Variants in PARP1 observed in about 807,000 individuals in gnomAD.
PARP1 encodes poly(ADP-ribose) polymerase 1, also known as poly [ADP-ribose] polymerase 1.
In PARP1, 44 loss-of-function variants were observed where a neutral mutation model predicts 118.7. That is an observed-to-expected ratio of 0.37 (90% CI 0.29 to 0.48). The LOEUF (loss-of-function observed/expected upper bound fraction) is 0.48. PARP1 is among the 20% of genes least tolerant of loss of function. The pLI, the probability that PARP1 is intolerant of heterozygous loss-of-function variation, is 0.99. For synonymous variants in PARP1, 492 were observed against 483.2 expected (o/e 1.02, Z -0.24); for missense variants, 1,100 against 1,272.4 (o/e 0.86, Z 2.06).
intron 5 of PARP1, among the ~76,000 whole-genome samples, chr1:226,387,564 G>A (rs921753932): frequency 1.3e-5 from 2 of 152,098 alleles, no homozygotes; most frequent in African/African-American, 2.4e-5. Context: ...GGGGTCTCTC[G>A]ACATCTCCTC....
chr1:226,369,662 T>C (rs762642066), intron 15 of PARP1, among the ~76,000 whole-genome samples: 1 of 152,134 alleles, frequency 6.6e-6, no homozygotes, highest in African/African-American at 2.4e-5. Context: ...ATAAAAAATA[T>C]AGTATTCTCA....
In PARP1 at chr1:226,363,166, CAA is replaced by C; in HGVS notation, c.2787-8_2787-7del. 6.2e-7 allele frequency: 1 copy of C among 1,609,020 alleles called. No individual in the cohort carries two copies. The highest frequency in any genetic ancestry group is 8.5e-7 in the Non-Finnish European group (1 of 1,175,398). On this transcript the variant is annotated splice_polypyrimidine_tract_variant and splice_region_variant and intron_variant, in intron 20 of 22. Coordinates refer to ENST00000366794, the MANE Select transcript of PARP1 (RefSeq NM_001618.4). Reference sequence around the variant, plus strand: ...AAGCGTGCTTCAGTTCATACCTATTCAAAAGAGGACAGTCTCAGAAGAGGCCT... The same window carrying C: ...AAGCGTGCTTCAGTTCATACCTATTCAAGAGGACAGTCTCAGAAGAGGCCT...
Position 226,364,997 on chromosome 1 carries a change from C to A in PARP1, c.2658+5G>T, listed in dbSNP as rs1664229023. On this transcript the variant is annotated splice_donor_5th_base_variant and intron_variant, in intron 19 of 22. Coordinates refer to ENST00000366794, the MANE Select transcript of PARP1 (RefSeq NM_001618.4). Reference sequence around the variant, plus strand: ...TGCCCACCCCTCGCCAGGCCAGGCACATACCACGGGCGCTTCAGGCGGGGC... The same window carrying A: ...TGCCCACCCCTCGCCAGGCCAGGCAAATACCACGGGCGCTTCAGGCGGGGC... The A allele has an allele frequency of 6.2e-7, 1 of 1,613,532 alleles. No homozygotes were observed. The highest frequency in any genetic ancestry group is 1.3e-5 in the African/African-American group (1 of 74,936).
At chr1:226,380,966 C>T (rs1219693226) in intron 9 of PARP1, 102 bp downstream of exon 9, 12 of 1,314,866 alleles carry the variant, frequency 9.1e-6, no homozygotes, top group Non-Finnish European at 1.2e-5. Flanking sequence ...TGTTAAGATC[C>T]AGTTTTTCAG....
At chr1:226,369,359 C>T (rs1275299609) in intron 15 of PARP1, among the ~76,000 whole-genome samples, 1 of 152,216 alleles carries the variant, frequency 6.6e-6, no homozygotes, top group Non-Finnish European at 1.5e-5. Flanking sequence ...GCGGAACCCT[C>T]CAGCCCCTCC....
intron 2 of PARP1, among the ~76,000 whole-genome samples, chr1:226,397,530 G>T (rs746956822): frequency 6.6e-6 from 1 of 152,138 alleles, no homozygotes; most frequent in Non-Finnish European, 1.5e-5. Flanking sequence ...TTATAATCCC[G>T]AATGTTGGAG....
Position 226,362,068 on chromosome 1 carries a change from G to T in PARP1, c.2864C>A (p.Thr955Asn), listed in dbSNP as rs778821909. The change falls in exon 22 of 23, where the codon ACC (threonine) becomes AAC (asparagine). Residue 955 changes from threonine (T) to asparagine (N), a missense_variant. By Grantham distance (65) the Thr-to-Asn change is moderately conservative. Transcript: ENST00000366794. ...KHSVKGLGKT[T>N]PDPSANISLD... The stretch of plus-strand genomic sequence containing the variant: ...ACTAATGTTAGCTGAAGGATCAGGG[G>T]TAGTTTTGCCCAAACCTGAAAAACA... 1.2e-6 allele frequency: 2 copies of T among 1,612,636 alleles called. No individual in the cohort carries two copies. Among genetic ancestry groups the T allele is most frequent in the Non-Finnish European group, 8.5e-7 (1 of 1,178,650 alleles).
intron 7 of PARP1, among the ~76,000 whole-genome samples, chr1:226,383,995 C>T (rs1159834477): frequency 6.6e-6 from 1 of 152,200 alleles, no homozygotes; most frequent in Non-Finnish European, 1.5e-5. Flanking sequence ...CAGAAAGTAT[C>T]TCATTCGTGA....
At chr1:226,401,117 T>C (rs1392615689) in intron 2 of PARP1, among the ~76,000 whole-genome samples, 1 of 152,218 alleles carries the variant, frequency 6.6e-6, no homozygotes, top group Non-Finnish European at 1.5e-5. Context: ...AGGAGAAAAC[T>C]GTGGAGACAG....
chr1:226,372,428 T>C (rs992532501), intron 14 of PARP1, among the ~76,000 whole-genome samples: 1 of 152,186 alleles, frequency 6.6e-6, no homozygotes, highest in Non-Finnish European at 1.5e-5. Context: ...TCCCAGCACT[T>C]TGGGAGGCTG....
intron 2 of PARP1, among the ~76,000 whole-genome samples, chr1:226,399,847 T>G (rs1045869008): frequency 6.6e-6 from 1 of 152,124 alleles, no homozygotes; most frequent in African/African-American, 2.4e-5. Flanking sequence ...ATATGGAAAC[T>G]CTGTACTTTA....
At chr1:226,374,441 G>A in intron 13 of PARP1, 87 bp from the exon 14 acceptor site, 1 of 1,523,306 alleles carries the variant, frequency 6.6e-7, no homozygotes, top group Non-Finnish European at 9.1e-7. Flanking sequence ...TGCAGACAAA[G>A]GACACAGGCT....
Position 226,363,157 on chromosome 1 carries a change from A to C in PARP1, c.2790T>G (p.Tyr930Ter). 1 of 1,611,600 alleles carries C rather than the reference A, an allele frequency of 6.2e-7. No individual in the cohort carries two copies. The highest frequency in any genetic ancestry group is 8.5e-7 in the Non-Finnish European group (1 of 1,177,688). Residue 930 changes from tyrosine to a stop codon, truncating the protein, a stop_gained, in exon 21 of 23, where the codon TAT (tyrosine) becomes TAG (stop). Coordinates refer to ENST00000366794, the MANE Select transcript of PARP1 (RefSeq NM_001618.4). LOFTEE classifies it high-confidence loss of function. ...LLGEVALGNM[Y>*]ELKHASHISK... ...TGATATGTGAAGCGTGCTTCAGTTC[A>C]TACCTATTCAAAAGAGGACAGTCTC...
At chr1:226,363,295 G>A (rs1171670676) in intron 20 of PARP1, 135 bp from the exon 21 acceptor site, 10 of 723,844 alleles carry the variant, frequency 1.4e-5, no homozygotes, top group Non-Finnish European at 2.3e-5. Context: ...AACTGCTCAG[G>A]CTCCCTCCTG....
At chr1:226,370,408 G>T (rs1211663206) in intron 15 of PARP1, 26 bp downstream of exon 15, 1 of 1,579,114 alleles carries the variant, frequency 6.3e-7, no homozygotes, top group South Asian at 1.1e-5. Context: ...AGGGTTCCAG[G>T]AGGCCCCTGG....
At chr1:226,407,138 G>A (rs1665164718) in intron 1 of PARP1, among the ~76,000 whole-genome samples, 1 of 152,166 alleles carries the variant, frequency 6.6e-6, no homozygotes, top group African/African-American at 2.4e-5. Context: ...AAGCCCACAT[G>A]AGAAACCCCC....
At chr1:226,375,472 G>A (rs1664469528) in intron 13 of PARP1, among the ~76,000 whole-genome samples, 1 of 152,118 alleles carries the variant, frequency 6.6e-6, no homozygotes, top group African/African-American at 2.4e-5. Context: ...TCCAGCCCAC[G>A]CACAGGACGG....
intron 9 of PARP1, among the ~76,000 whole-genome samples, 193 bp downstream of exon 9, chr1:226,380,875 T>C (rs1441250766): frequency 6.6e-6 from 1 of 152,184 alleles, no homozygotes; most frequent in African/African-American, 2.4e-5. Flanking sequence ...GAACACGCAA[T>C]GCATGTGAAT....
At chr1:226,373,515 C>T (rs966438509) in intron 14 of PARP1, among the ~76,000 whole-genome samples, 2 of 152,158 alleles carry the variant, frequency 1.3e-5, no homozygotes, top group African/African-American at 4.8e-5. Context: ...CCCTTTTGCA[C>T]TCATCTCCCG....
Sources: allele counts gnomAD v4.1 joint callset (sites outside exome capture counted in the v4.1 genomes callset), GRCh38; gene constraint gnomAD v4.1.1; transcripts MANE v1.5; gene names NCBI Gene and HGNC (gene_info 2026-07-23, HGNC 2026-07-21).